Variants in GPBP1L1 observed in about 807,000 individuals in gnomAD.
GPBP1L1 encodes the protein GC-rich promoter binding protein 1 like 1.
In GPBP1L1, 23 loss-of-function variants were observed where a neutral mutation model predicts 52.5. The ratio of observed to expected loss-of-function variants is 0.44; its 90% CI spans 0.32 to 0.62. The LOEUF (loss-of-function observed/expected upper bound fraction) is 0.62. GPBP1L1 is among the 20% of genes least tolerant of loss of function. GPBP1L1 has a pLI of 0.06. For missense variants in GPBP1L1, 596 were observed against 579.3 expected (o/e 1.03, Z -0.30); for synonymous variants, 243 against 203.1 (o/e 1.20, Z -1.67).
intron 2 of GPBP1L1, among the ~76,000 whole-genome samples, chr1:45,676,807 A>T (rs957465971): frequency 7.3e-5 from 11 of 151,624 alleles, no homozygotes; most frequent in Non-Finnish European, 1.3e-4. Context: ...TGAATCCAGG[A>T]GGTCTAAGCT....
intron 2 of GPBP1L1, among the ~76,000 whole-genome samples, chr1:45,670,782 T>G (rs1317263730): frequency 6.8e-6 from 1 of 147,690 alleles, no homozygotes; most frequent in Non-Finnish European, 1.5e-5. Context: ...ACTACTACCA[T>G]ATGTCTTTTT....
intron 8 of GPBP1L1, among the ~76,000 whole-genome samples, chr1:45,637,543 G>GTTTTTTTTTT (rs1553179402): frequency 2.1e-4 from 21 of 98,610 alleles, no homozygotes; most frequent in South Asian, 7.6e-4. Context: ...CTTTATATTA[G>GTTTTTTTTTT]TTTTCCAATC....
At chr1:45,635,598 T>C (rs1022583020) in intron 8 of GPBP1L1, 2 of 152,220 alleles carry the variant, frequency 1.3e-5, no homozygotes, top group African/African-American at 4.8e-5. Flanking sequence ...ATAGCTAGAC[T>C]ACCCCCTGGA....
intron 2 of GPBP1L1, among the ~76,000 whole-genome samples, chr1:45,669,896 CT>C (rs1645054284): frequency 1.3e-5 from 1 of 78,494 alleles, no homozygotes; most frequent in African/African-American, 4.2e-5. Context: ...AACTGAACTC[CT>C]TTTTAGTATT....
rs1298982922 is a variant in GPBP1L1, at chr1:45,656,835, T to C, written c.61-1516A>G. ...TATTCACCACCACACCTGCCTAGTT[T>C]TTGTTGTTGTTTTTTTTTTAAATTT... On this transcript the variant is annotated intron_variant, in intron 4 of 12. Coordinates refer to ENST00000355105, the MANE Select transcript of GPBP1L1 (RefSeq NM_021639.5). 2.1e-5 allele frequency among the ~76,000 whole-genome samples: 3 copies of C among 141,164 alleles called. No homozygotes were observed. In the East Asian group the frequency reaches 6.5e-4, roughly 31 times the overall value. The allele number at this position is 141,164 out of a possible 152,430, so 92.6% of individuals were successfully genotyped here.
intron 10 of GPBP1L1, 55 bp downstream of exon 10, chr1:45,633,434 G>A (rs529662281): frequency 3.3e-5 from 52 of 1,565,910 alleles, no homozygotes; most frequent in East Asian, 9.0e-5. Flanking sequence ...AAGAAATCAC[G>A]TATGTATCAA....
chr1:45,681,819 G>C (rs74615010), intron 2 of GPBP1L1, among the ~76,000 whole-genome samples: 2 of 152,060 alleles, frequency 1.3e-5, no homozygotes, highest in African/African-American at 4.8e-5. Context: ...GCTGAGATTC[G>C]AACCCAAATG....
intron 2 of GPBP1L1, among the ~76,000 whole-genome samples, chr1:45,679,192 A>C (rs1023999345): frequency 1.6e-4 from 17 of 106,360 alleles, no homozygotes; most frequent in Admixed American, 1.4e-3. Context: ...AAATTGTCTG[A>C]CAAGTTTAAA....
chr1:45,635,999 CTGAG>C (rs1332707194), intron 8 of GPBP1L1, among the ~76,000 whole-genome samples: 1 of 152,208 alleles, frequency 6.6e-6, no homozygotes, highest in Non-Finnish European at 1.5e-5. Flanking sequence ...TGCCAAACTT[CTGAG>C]TAAGTCAGTA....
intron 2 of GPBP1L1, among the ~76,000 whole-genome samples, chr1:45,676,497 T>G (rs1297660273): frequency 6.6e-6 from 1 of 151,176 alleles, no homozygotes; most frequent in African/African-American, 2.4e-5. Flanking sequence ...TCACCTGAGG[T>G]CAGGAGATCA....
intron 6 of GPBP1L1, among the ~76,000 whole-genome samples, chr1:45,647,079 T>C (rs1234541519): frequency 6.6e-6 from 1 of 151,984 alleles, no homozygotes; most frequent in Non-Finnish European, 1.5e-5. Flanking sequence ...TTTTCTGAAA[T>C]TTTTTATTAT....
intron 1 of GPBP1L1, among the ~76,000 whole-genome samples, chr1:45,685,881 T>C (rs56210707): frequency 0.01 from 1,574 of 152,218 alleles, 13 homozygotes; most frequent in Non-Finnish European, 0.018. Context: ...TTGGTAGATA[T>C]CGGATAGACT....
At chr1:45,644,982 A>G (rs1242647852) in intron 6 of GPBP1L1, among the ~76,000 whole-genome samples, 2 of 152,200 alleles carry the variant, frequency 1.3e-5, no homozygotes, top group Admixed American at 6.5e-5. Context: ...GAATTCACAG[A>G]TTTAAATCCA....
intron 6 of GPBP1L1, among the ~76,000 whole-genome samples, chr1:45,642,985 AC>A (rs1381877784): frequency 6.6e-6 from 1 of 152,208 alleles, no homozygotes; most frequent in Non-Finnish European, 1.5e-5. Context: ...CTGTCTTCAC[AC>A]GGGTCACAGT....
At chr1:45,637,995 A>G (rs1420237685) in intron 8 of GPBP1L1, among the ~76,000 whole-genome samples, 1 of 152,234 alleles carries the variant, frequency 6.6e-6, no homozygotes, top group Non-Finnish European at 1.5e-5. Flanking sequence ...AAATCTGTCT[A>G]TTCCATAGCC....
At chr1:45,632,107 G>A (rs747892310) in intron 10 of GPBP1L1, among the ~76,000 whole-genome samples, 2 of 152,112 alleles carry the variant, frequency 1.3e-5, no homozygotes, top group Non-Finnish European at 2.9e-5. Context: ...ATCCTCACAG[G>A]TCTAATTCCT....
intron 2 of GPBP1L1, among the ~76,000 whole-genome samples, chr1:45,671,272 T>C (rs1357933957): frequency 6.8e-6 from 1 of 146,976 alleles, no homozygotes; most frequent in Non-Finnish European, 1.5e-5. Context: ...TACAGTGGTG[T>C]GATCTCAGCT....
chr1:45,644,130 C>T (rs1056848534), intron 6 of GPBP1L1, among the ~76,000 whole-genome samples: 7 of 152,176 alleles, frequency 4.6e-5, no homozygotes, highest in Non-Finnish European at 7.3e-5. Flanking sequence ...AATAGGAGAA[C>T]AAGCACAAAT....
intron 2 of GPBP1L1, among the ~76,000 whole-genome samples, chr1:45,685,078 GCAAA>G (rs1645262847): frequency 6.7e-6 from 1 of 149,342 alleles, no homozygotes; most frequent in African/African-American, 2.5e-5. Context: ...AAAAAAAAAA[GCAAA>G]CAAAAGACAG....
Sources: allele counts gnomAD v4.1 joint callset (sites outside exome capture counted in the v4.1 genomes callset), GRCh38; gene constraint gnomAD v4.1.1; transcripts MANE v1.5; gene names NCBI Gene and HGNC (gene_info 2026-07-23, HGNC 2026-07-21).